The following BRINP3 variants were observed in gnomAD, a reference collection of about 807,000 sequenced individuals.
BRINP3 encodes BMP/retinoic acid inducible neural specific 3, also known as BMP/retinoic acid-inducible neural-specific protein 3.
A neutral mutation model predicts 71.0 loss-of-function variants in BRINP3; 19 were observed. The ratio of observed to expected loss-of-function variants is 0.27; its 90% confidence interval spans 0.19 to 0.39. The LOEUF is 0.39. Among genes scored for constraint, BRINP3 ranks in the 10% least tolerant of loss-of-function variants. The pLI is 1.00. For missense variants in BRINP3, 959 were observed against 940.8 expected, an observed-to-expected ratio of 1.02 and a Z score of -0.25; for synonymous variants, 380 against 337.7, an observed-to-expected ratio of 1.13 and a Z score of -1.37.
intron 2 of BRINP3, among the ~76,000 whole-genome samples, chr1:190,324,218 C>T (rs1273875261): frequency 2.6e-5 from 4 of 151,884 alleles, no homozygotes; most frequent in Non-Finnish European, 4.4e-5. Flanking sequence ...AGCTATACAA[C>T]GTGTGTGTTG....
intron 4 of BRINP3, among the ~76,000 whole-genome samples, chr1:190,250,291 C>A (rs1461985766): frequency 1.3e-5 from 2 of 151,804 alleles, no homozygotes; most frequent in Admixed American, 6.6e-5. Context: ...ATTTCTTAAA[C>A]CTAGCTAAGT....
At chr1:190,357,685 GT>G (rs1668828431) in intron 2 of BRINP3, among the ~76,000 whole-genome samples, 2 of 151,920 alleles carry the variant, frequency 1.3e-5, no homozygotes. Context: ...CTTTAAAGTA[GT>G]TTTTTCCAAT....
intron 6 of BRINP3, among the ~76,000 whole-genome samples, chr1:190,214,474 T>A (rs894589028): frequency 6.6e-6 from 1 of 152,020 alleles, no homozygotes; most frequent in African/African-American, 2.4e-5. Flanking sequence ...TTTAGAACAG[T>A]GCACTGTAGA....
At chr1:190,401,918 T>C (rs1671953577) in intron 2 of BRINP3, among the ~76,000 whole-genome samples, 2 of 152,024 alleles carry the variant, frequency 1.3e-5, no homozygotes, top group Admixed American at 1.3e-4. Context: ...TTTCCTATTC[T>C]TCAATTAGCA....
intron 2 of BRINP3, among the ~76,000 whole-genome samples, chr1:190,404,848 T>C (rs939907203): frequency 6.6e-6 from 1 of 152,212 alleles, no homozygotes; most frequent in African/African-American, 2.4e-5. Context: ...AGCAGTGATT[T>C]TACTCTATGA....
At chr1:190,429,912 C>T (rs1483579542) in intron 2 of BRINP3, among the ~76,000 whole-genome samples, 4 of 152,078 alleles carry the variant, frequency 2.6e-5, no homozygotes. Flanking sequence ...TTACATCTAC[C>T]TGGTTTTTAA....
chr1:190,367,429 C>G (rs1352027581), intron 2 of BRINP3, among the ~76,000 whole-genome samples: 1 of 152,138 alleles, frequency 6.6e-6, no homozygotes, highest in African/African-American at 2.4e-5. Context: ...TTTTTCCCTC[C>G]TAGGCCTCCA....
intron 3 of BRINP3, among the ~76,000 whole-genome samples, chr1:190,275,054 ACC>A (rs1293444906): frequency 6.6e-6 from 1 of 151,576 alleles, no homozygotes; most frequent in Admixed American, 6.6e-5. Flanking sequence ...ATTAAGAGTT[ACC>A]CTCAAGAATA....
chr1:190,256,551 C>T (rs912983588), intron 4 of BRINP3, among the ~76,000 whole-genome samples: 3 of 152,028 alleles, frequency 2.0e-5, no homozygotes, highest in African/African-American at 7.3e-5. Context: ...GGTTATTTTG[C>T]CCGTTAGTTG....
intron 2 of BRINP3, among the ~76,000 whole-genome samples, chr1:190,434,853 G>C (rs894583808): frequency 6.6e-6 from 1 of 152,014 alleles, no homozygotes; most frequent in Non-Finnish European, 1.5e-5. Context: ...TGTTCAATTT[G>C]ATGGGCTTCC....
chr1:190,181,897 C>G (rs1458349800), intron 6 of BRINP3, among the ~76,000 whole-genome samples: 4 of 152,000 alleles, frequency 2.6e-5, no homozygotes, highest in Non-Finnish European at 2.9e-5. Flanking sequence ...TTAGGGAGGT[C>G]TTTAGTGACA....
chr1:190,421,567 A>G (rs1470067224), intron 2 of BRINP3, among the ~76,000 whole-genome samples: 1 of 151,700 alleles, frequency 6.6e-6, no homozygotes, highest in Admixed American at 6.6e-5. Context: ...TGTTATGAAT[A>G]TCGGCATCAT....
At chr1:190,366,092 G>A (rs900748644) in intron 2 of BRINP3, among the ~76,000 whole-genome samples, 5 of 147,852 alleles carry the variant, frequency 3.4e-5, no homozygotes, top group South Asian at 2.2e-4. Flanking sequence ...GGATCAGATC[G>A]AATAATTGGA....
At chr1:190,473,858 C>T (rs755587480) in intron 1 of BRINP3, among the ~76,000 whole-genome samples, 20 of 151,468 alleles carry the variant, frequency 1.3e-4, no homozygotes, top group African/African-American at 3.9e-4. Flanking sequence ...TGCCCTTGGG[C>T]AAGCTTTCTT....
chr1:190,314,108 G>T (rs1247328834), intron 2 of BRINP3, among the ~76,000 whole-genome samples: 1 of 151,926 alleles, frequency 6.6e-6, no homozygotes, highest in African/African-American at 2.4e-5. Flanking sequence ...AGAGTACTAT[G>T]ATAGATATTT....
chr1:190,345,236 C>A (rs557347514), intron 2 of BRINP3, among the ~76,000 whole-genome samples: 1 of 151,660 alleles, frequency 6.6e-6, no homozygotes, highest in Non-Finnish European at 1.5e-5. Context: ...TGTTCATAAT[C>A]GTTCCAGAAA....
chr1:190,228,213 AT>A (rs879334528), intron 5 of BRINP3, among the ~76,000 whole-genome samples: 2,979 of 148,156 alleles, frequency 0.02, 46 homozygotes, highest in African/African-American at 0.046. Flanking sequence ...ACACCTAGTG[AT>A]TTTTTTTTTT....
chr1:190,266,096 C>T (rs914778956), intron 3 of BRINP3, among the ~76,000 whole-genome samples: 5 of 152,128 alleles, frequency 3.3e-5, no homozygotes, highest in African/African-American at 7.2e-5. Context: ...TGTGATCCTC[C>T]GACAAACATA....
chr1:190,319,657 G>A (rs943903963), intron 2 of BRINP3, among the ~76,000 whole-genome samples: 7 of 152,022 alleles, frequency 4.6e-5, no homozygotes, highest in African/African-American at 1.7e-4. Flanking sequence ...GAGATTGAGG[G>A]AAGAGGTGCC....
Sources: allele counts gnomAD v4.1 joint callset (sites outside exome capture counted in the v4.1 genomes callset), GRCh38; gene constraint gnomAD v4.1.1; transcripts MANE v1.5; gene names NCBI Gene and HGNC (gene_info 2026-07-23, HGNC 2026-07-21).